The following CEACAM21 variants were observed in gnomAD, a reference collection of about 807,000 sequenced individuals.
The protein encoded by CEACAM21 is cell adhesion molecule CEACAM21.
A neutral mutation model predicts 33.2 loss-of-function variants in CEACAM21; 38 were observed. That is an observed-to-expected ratio of 1.14 (90% confidence interval 0.88 to 1.50). The LOEUF (loss-of-function observed/expected upper bound fraction) is 1.50, where lower values mean the gene tolerates loss of function less well. CEACAM21 is among the 40% of genes most tolerant of loss of function. The pLI is 0.00. For synonymous variants in CEACAM21, 156 were observed against 143.0 expected (o/e 1.09, Z -0.65); for missense variants, 385 against 364.6 (o/e 1.06, Z -0.46).
upstream of CEACAM21, among the ~76,000 whole-genome samples, chr19:41,575,791 T>C (rs549421722): frequency 6.6e-6 from 1 of 152,274 alleles, no homozygotes; most frequent in South Asian, 2.1e-4. Flanking sequence ...AGCCCCTTTC[T>C]AGCCCCCAGA....
chr19:41,577,601 C>A (rs2043048635), intron 2 of CEACAM21, 42 bp downstream of exon 2: 1 of 1,605,676 alleles, frequency 6.2e-7, no homozygotes, highest in African/African-American at 1.3e-5. Flanking sequence ...GGGGTCAGTT[C>A]TGCTTCACAT....
At chr19:41,584,238 G>C (rs570014173) in intron 3 of CEACAM21, 109 bp from the exon 4 acceptor site, 1 of 896,026 alleles carries the variant, frequency 1.1e-6, no homozygotes, top group African/African-American at 1.7e-5. Context: ...ACCACACTCA[G>C]GCTCCATGGC....
chr19:41,561,763 A>T (rs1324898953), intron 1 of CEACAM21, among the ~76,000 whole-genome samples: 1 of 152,236 alleles, frequency 6.6e-6, no homozygotes, highest in African/African-American at 2.4e-5. Context: ...ACATGCATAG[A>T]AACTTTATAA....
chr19:41,584,420 C>A lies in CEACAM21; in HGVS notation c.774C>A (p.Phe258Leu). 1.9e-6 allele frequency: 3 copies of A among 1,608,258 alleles called. No homozygotes were observed. The highest frequency in any genetic ancestry group is 2.5e-6 in the Non-Finnish European group (3 of 1,177,102). The change falls in exon 4 of 7, where the codon TTC becomes TTA. Residue 258 changes from phenylalanine to leucine, a missense_variant. By Grantham distance (22) the Phe-to-Leu change is conservative. Coordinates refer to ENST00000401445, the MANE Select transcript of CEACAM21 (RefSeq NM_001098506.4). ...TTCTGGTGGCTGCACTTGTGTGTTT[C>A]CTGCTCCTCCGAAAAACTGGCAGGT... Reference protein sequence around the residue: ...GSLLVAALVCFLLLRKTGRAS... With the variant: ...GSLLVAALVCLLLLRKTGRAS...
chr19:41,560,045 A>C (rs562171239), intron 1 of CEACAM21, among the ~76,000 whole-genome samples: 2 of 152,312 alleles, frequency 1.3e-5, no homozygotes, highest in South Asian at 4.1e-4. Flanking sequence ...CTATCAACCA[A>C]TAATGAAACT....
At chr19:41,566,970 T>A (rs1488038961) in intron 2 of CEACAM21, among the ~76,000 whole-genome samples, 1 of 152,238 alleles carries the variant, frequency 6.6e-6, no homozygotes, top group Non-Finnish European at 1.5e-5. Flanking sequence ...TGAATAATTT[T>A]AAAATCTCTC....
At chr19:41,565,771 T>C (rs2042218831) in intron 2 of CEACAM21, among the ~76,000 whole-genome samples, 1 of 151,920 alleles carries the variant, frequency 6.6e-6, no homozygotes, top group Non-Finnish European at 1.5e-5. Context: ...TCATAACACA[T>C]TTGAGAACAA....
At chr19:41,555,405 T>C (rs1222163858) in intron 1 of CEACAM21, 4 of 151,848 alleles carry the variant, frequency 2.6e-5, no homozygotes, top group African/African-American at 9.7e-5. Context: ...AAAGTCATAT[T>C]TGGAGGCCAA....
intron 3 of CEACAM21, 35 bp downstream of exon 3, chr19:41,579,663 T>C (rs1437245019): frequency 7.1e-7 from 1 of 1,408,632 alleles, no homozygotes; most frequent in Non-Finnish European, 9.6e-7. Context: ...CTCCTTTCCT[T>C]GTATATTTTC....
At chr19:41,559,986 C>T (rs1395059713) in intron 1 of CEACAM21, among the ~76,000 whole-genome samples, 1 of 152,018 alleles carries the variant, frequency 6.6e-6, no homozygotes. Flanking sequence ...AGAGAGACTT[C>T]CTCTCAAAAA....
intron 3 of CEACAM21, among the ~76,000 whole-genome samples, chr19:41,580,045 G>A (rs1167112056): frequency 6.6e-6 from 1 of 152,074 alleles, no homozygotes; most frequent in Non-Finnish European, 1.5e-5. Context: ...GCAGACTTTG[G>A]TTACATTTTT....
In CEACAM21 at chr19:41,585,471, C is replaced by G; in HGVS notation, c.826C>G (p.Gln276Glu). Residue 276 changes from glutamine (Q) to glutamate (E), a missense_variant, in exon 5 of 7, where the codon CAG (glutamine) becomes GAG (glutamate). Physicochemically the swap from Gln to Glu is conservative, Grantham distance 29. Coordinates refer to ENST00000401445, the MANE Select transcript of CEACAM21 (RefSeq NM_001098506.4). ...RASDQSDFREQQPPASTPGHG... is the reference protein window; with the variant it reads ...RASDQSDFREEQPPASTPGHG... ...CAGCGATCAGAGTGACTTCAGGGAG[C>G]AGCAGCCCCCAGCCTCCACCCCCGG... is the stretch of plus-strand genomic sequence containing the variant. 3.1e-6 allele frequency: 5 copies of G among 1,613,834 alleles called. No homozygotes were observed. Among genetic ancestry groups the G allele is most frequent in the Non-Finnish European group, 4.2e-6 (5 of 1,179,784 alleles).
chr19:41,558,017 G>A (rs2041643976), intron 1 of CEACAM21, among the ~76,000 whole-genome samples: 1 of 152,202 alleles, frequency 6.6e-6, no homozygotes, highest in South Asian at 2.1e-4. Flanking sequence ...GGGGACCTGA[G>A]CCTGATCATC....
intron 2 of CEACAM21, among the ~76,000 whole-genome samples, chr19:41,565,819 T>A (rs1300939796): frequency 6.6e-6 from 1 of 151,906 alleles, no homozygotes; most frequent in African/African-American, 2.4e-5. Context: ...ATGAAGAAGA[T>A]AGGTGACTAA....
At position 41,586,503 on chromosome 19, in the gene CEACAM21, G is replaced by C; in HGVS notation, c.*40G>C. On this transcript the variant is annotated 3_prime_UTR_variant, in exon 7 of 7. Transcript: ENST00000401445. ...TGACACAAACATTTACTGCTGGATC[G>C]ACCACAAAGCAGATGTGGCTTCTTA... The C allele has an allele frequency of 1.6e-6, 1 of 636,848 alleles. No homozygotes were observed. The highest frequency in any genetic ancestry group is 3.0e-6 in the Non-Finnish European group (1 of 333,030). 39.4% of individuals were successfully genotyped at this position (636,848 alleles called of 1,614,324 possible). A position where few individuals can be genotyped will look rare whatever the true frequency, so the allele number is the denominator to read the frequency against.
intron 1 of CEACAM21, chr19:41,554,947 C>T (rs2041448863): frequency 6.6e-6 from 1 of 151,948 alleles, no homozygotes; most frequent in African/African-American, 2.4e-5. Flanking sequence ...ACCTTTTAAT[C>T]TAGGCAAAAA....
intron 3 of CEACAM21, among the ~76,000 whole-genome samples, chr19:41,580,251 C>G (rs2043273699): frequency 6.6e-6 from 1 of 152,082 alleles, no homozygotes; most frequent in East Asian, 1.9e-4. Flanking sequence ...TGTTTTTCCT[C>G]TGCTCTCACT....
chr19:41,576,861 G>A (rs1288095337), intron 1 of CEACAM21, among the ~76,000 whole-genome samples: 13 of 152,166 alleles, frequency 8.5e-5, no homozygotes, highest in Admixed American at 8.5e-4. Context: ...AAGAGCCCTG[G>A]AGGGAACAGA....
At chr19:41,582,438 G>A (rs2043472393) in intron 3 of CEACAM21, among the ~76,000 whole-genome samples, 1 of 152,218 alleles carries the variant, frequency 6.6e-6, no homozygotes, top group Admixed American at 6.5e-5. Flanking sequence ...TGCCCCAGTA[G>A]GGACTCTGTG....
Sources: gnomAD v4.1 joint callset for allele counts (sites outside exome capture counted in the v4.1 genomes callset) on GRCh38, gnomAD v4.1.1 for gene constraint, MANE v1.5 for transcripts, NCBI Gene and HGNC (gene_info 2026-07-23, HGNC 2026-07-21) for gene names.